Variants in HSPE1 observed in about 807,000 individuals in gnomAD.
The protein encoded by HSPE1 is 10 kDa heat shock protein, mitochondrial.
In HSPE1, 1 loss-of-function variant was observed where a neutral mutation model predicts 13.2. The observed-to-expected ratio is 0.08, with a 90% CI of 0.03 to 0.36. HSPE1 has a LOEUF of 0.36. HSPE1 is among the 10% of genes least tolerant of loss of function. The probability of loss-of-function intolerance (pLI) is 0.99; values close to 1 mark genes in which losing one functional copy is unlikely to be tolerated. For synonymous variants in HSPE1, 44 were observed against 42.0 expected, an observed-to-expected ratio of 1.05 and a Z score of -0.19; for missense variants, 73 against 118.7, an observed-to-expected ratio of 0.62 and a Z score of 1.79.
chr2:197,502,064 G>C (rs1321772194), intron 2 of HSPE1, among the ~76,000 whole-genome samples: 2 of 152,074 alleles, frequency 1.3e-5, no homozygotes, highest in Non-Finnish European at 2.9e-5. Flanking sequence ...GAGGAAACTT[G>C]GACTGTTCGT....
In HSPE1 at chr2:197,501,184, A is replaced by G. The variant is rs766851508; in HGVS notation, c.114A>G (p.Gln38=). The change falls in exon 2 of 4, where the codon CAA becomes CAG. Residue 38 remains glutamine (Q), a synonymous_variant. Coordinates refer to ENST00000233893, the MANE Select transcript of HSPE1 (RefSeq NM_002157.3). ...GCATTATGCTTCCAGAAAAATCTCA[A>G]GGAAAAGTATTGCAAGCAACAGTAG... ...KGGIMLPEKS[Q]GKVLQATVVA... 5.0e-6 allele frequency: 8 copies of G among 1,614,012 alleles called. No individual in the cohort carries two copies. Among genetic ancestry groups the G allele is most frequent in the Non-Finnish European group, 5.9e-6 (7 of 1,180,004 alleles).
At chr2:197,500,998 G>T in intron 1 of HSPE1, 76 bp from the exon 2 acceptor site, 1 of 1,548,824 alleles carries the variant, frequency 6.5e-7, no homozygotes, top group Non-Finnish European at 8.8e-7. Context: ...GTGTTGAGAT[G>T]TATAGCACGG....
At position 197,501,118 on chromosome 2, in the gene HSPE1, A is replaced by G. The variant is rs1210625834; in HGVS notation, c.48A>G (p.Val16=). The G allele has an allele frequency of 6.2e-7, 1 of 1,614,094 alleles. No individual in the cohort carries two copies. The highest frequency in any genetic ancestry group is 8.5e-7 in the Non-Finnish European group (1 of 1,179,938). ...AGTTTCTTCCACTCTTTGACCGAGT[A>G]TTGGTTGAAAGGAGTGCTGCTGAAA... ...FRKFLPLFDR[V]LVERSAAETV... is the part of the protein sequence containing the mutation. The change falls in exon 2 of 4, where the codon GTA becomes GTG. Residue 16 remains valine (V), a synonymous_variant. Coordinates refer to ENST00000233893, the MANE Select transcript of HSPE1 (RefSeq NM_002157.3).
chr2:197,501,495 T>C, intron 2 of HSPE1: 1 of 328,288 alleles, frequency 3.0e-6, no homozygotes, highest in South Asian at 3.9e-5. Flanking sequence ...CCGGGTGCGG[T>C]GGCTCTCGCC....
chr2:197,502,387 CG>C (rs2086268397), intron 2 of HSPE1, among the ~76,000 whole-genome samples: 1 of 152,160 alleles, frequency 6.6e-6, no homozygotes, highest in African/African-American at 2.4e-5. Context: ...GTTTAGGCCT[CG>C]GGCTTCTAAA....
At position 197,501,132 on chromosome 2, in the gene HSPE1, G is replaced by T; in HGVS notation, c.62G>T (p.Ser21Ile). ...PLFDRVLVER[S>I]AAETVTKGGI... ...TTTGACCGAGTATTGGTTGAAAGGA[G>T]TGCTGCTGAAACTGTAACCAAAGGA... The change falls in exon 2 of 4, where the codon AGT (serine) becomes ATT (isoleucine). Residue 21 changes from serine to isoleucine, a missense_variant. Ser to Ile is a moderately radical substitution (Grantham distance 142). Transcript: ENST00000233893. 1 of 1,614,148 alleles carries T rather than the reference G, an allele frequency of 6.2e-7. No homozygotes were observed. Among genetic ancestry groups the T allele is most frequent in the Non-Finnish European group, 8.5e-7 (1 of 1,179,978 alleles).
At chr2:197,500,807 T>G in intron 1 of HSPE1, 1 of 584,172 alleles carries the variant, frequency 1.7e-6, no homozygotes, top group East Asian at 2.9e-5. Context: ...AGGAAAACAT[T>G]TGACCTTGGA....
rs1399310532 is a variant in HSPE1 at position 197,503,367 on chromosome 2, A to G, written c.*108A>G. 1.4e-6 allele frequency: 1 copy of G among 689,914 alleles called. No homozygotes were observed. The highest frequency in any genetic ancestry group is 2.6e-5 in the Admixed American group (1 of 38,840). The allele number at this position is 689,914 out of a possible 1,614,324, so 42.7% of individuals were successfully genotyped here. ...CCATATTTCTCTTTTATAATAAACT[A>G]ATGATAACTAATGACATCCAGTGTC... On this transcript the variant is annotated 3_prime_UTR_variant, in exon 4 of 4. Transcript: ENST00000233893.
intron 1 of HSPE1, 84 bp downstream of exon 1, chr2:197,500,523 C>A: frequency 1.9e-6 from 1 of 531,668 alleles, no homozygotes; most frequent in Non-Finnish European, 3.6e-6. Context: ...TTTTGTTGGG[C>A]TGGGCGGGAG....
intron 1 of HSPE1, chr2:197,500,857 C>A: frequency 1.6e-6 from 1 of 611,574 alleles, no homozygotes; most frequent in Non-Finnish European, 2.9e-6. Context: ...TGGTTGCTCA[C>A]CGGAGGAGCG....
intron 2 of HSPE1, chr2:197,501,467 A>G: frequency 2.1e-6 from 1 of 483,856 alleles, no homozygotes; most frequent in East Asian, 4.1e-5. Flanking sequence ...CAGAGTATTA[A>G]AAATTGTCCT....
intron 1 of HSPE1, 114 bp from the exon 2 acceptor site, chr2:197,500,960 G>GTT: frequency 8.2e-7 from 1 of 1,223,708 alleles, no homozygotes; most frequent in Middle Eastern, 2.7e-4. Context: ...ATAAGCTGAG[G>GTT]TTTGGTGTTA....
intron 1 of HSPE1, 123 bp from the exon 2 acceptor site, chr2:197,500,951 T>C: frequency 4.4e-6 from 5 of 1,134,072 alleles, no homozygotes; most frequent in Non-Finnish European, 6.3e-6. Context: ...CCTTAACGAA[T>C]AAGCTGAGGT....
chr2:197,500,841 C>A, intron 1 of HSPE1: 1 of 597,390 alleles, frequency 1.7e-6, no homozygotes, highest in Non-Finnish European at 3.0e-6. Flanking sequence ...GACCTTAAAG[C>A]TGGTCTGGTT....
At chr2:197,502,002 T>C (rs2086262543) in intron 2 of HSPE1, among the ~76,000 whole-genome samples, 2 of 152,098 alleles carry the variant, frequency 1.3e-5, no homozygotes, top group African/African-American at 4.8e-5. Context: ...ACAAAATAAA[T>C]AAATACAAAA....
At position 197,500,454 on chromosome 2, in the gene HSPE1, G is replaced by C; in HGVS notation, c.3+15G>C. ...AGGGAGTAATGGTGAGTCCCGCGTGGCCCCGAGGCCTGCAGGCCCGGGCCT... is the reference window on the plus strand; with the variant it reads ...AGGGAGTAATGGTGAGTCCCGCGTGCCCCCGAGGCCTGCAGGCCCGGGCCT... On this transcript the variant is annotated intron_variant, in intron 1 of 3. Transcript: ENST00000233893. 1 of 1,570,754 alleles carries C rather than the reference G, an allele frequency of 6.4e-7. No homozygotes were observed. The highest frequency in any genetic ancestry group is 8.7e-7 in the Non-Finnish European group (1 of 1,155,384).
In HSPE1 at chr2:197,503,109, A is replaced by C. The variant is rs1559307406; in HGVS notation, c.239A>C (p.Lys80Thr). 6.2e-7 allele frequency: 1 copy of C among 1,605,540 alleles called. No individual in the cohort carries two copies. Among genetic ancestry groups the C allele is most frequent in the African/African-American group, 1.3e-5 (1 of 74,756 alleles). Residue 80 changes from lysine to threonine, a missense_variant, in exon 3 of 4, where the codon AAA becomes ACA. Transcript: ENST00000233893. ...KVLLPEYGGTKVVLDDKDYFL... is the reference protein window; with the variant it reads ...KVLLPEYGGTTVVLDDKDYFL... ...CTTCTCCCAGAATATGGAGGCACCA[A>C]AGTAGTTCTAGATGACAAGGTGTGT... is the stretch of plus-strand genomic sequence containing the variant.
chr2:197,500,947 C>G (rs2086245450), intron 1 of HSPE1, 127 bp from the exon 2 acceptor site: 1 of 1,103,010 alleles, frequency 9.1e-7, no homozygotes, highest in Admixed American at 2.6e-5. Context: ...GCTTCCTTAA[C>G]GAATAAGCTG....
rs2086248852 is a variant in HSPE1, at chr2:197,501,116, G to A, written c.46G>A (p.Val16Ile). ...FRKFLPLFDR[V>I]LVERSAAETV... ...AAAGTTTCTTCCACTCTTTGACCGAGTATTGGTTGAAAGGAGTGCTGCTGA... is the reference window on the plus strand; with the variant it reads ...AAAGTTTCTTCCACTCTTTGACCGAATATTGGTTGAAAGGAGTGCTGCTGA... The change falls in exon 2 of 4, where the codon GTA (valine) becomes ATA (isoleucine). Residue 16 changes from valine to isoleucine, a missense_variant. Coordinates refer to ENST00000233893, the MANE Select transcript of HSPE1 (RefSeq NM_002157.3). 6.2e-6 allele frequency: 10 copies of A among 1,613,976 alleles called. No homozygotes were observed. The highest frequency in any genetic ancestry group is 1.7e-5 in the Admixed American group (1 of 59,998).
Sources: gnomAD v4.1 joint callset for allele counts (sites outside exome capture counted in the v4.1 genomes callset) on GRCh38, gnomAD v4.1.1 for gene constraint, MANE v1.5 for transcripts, NCBI Gene and HGNC (gene_info 2026-07-23, HGNC 2026-07-21) for gene names.